The following ZNF727 variants were observed in gnomAD, a reference collection of about 807,000 sequenced individuals.
ZNF727 encodes the protein putative zinc finger protein 727.
Under a neutral mutation model 11.5 loss-of-function variants are expected in ZNF727, and 11 were observed. The ratio of observed to expected loss-of-function variants is 0.95; its 90% CI spans 0.60 to 1.58. The LOEUF (loss-of-function observed/expected upper bound fraction) is 1.58. ZNF727 is among the 40% of genes most tolerant of loss of function. The pLI, the probability that ZNF727 is intolerant of heterozygous loss-of-function variation, is 0.00. For synonymous variants in ZNF727, 171 were observed against 196.1 expected, an observed-to-expected ratio of 0.87 and a Z score of 1.07; for missense variants, 533 against 581.7, an observed-to-expected ratio of 0.92 and a Z score of 0.86.
chr7:64,060,565 A>T, intron 1 of ZNF727, among the ~76,000 whole-genome samples: 1 of 152,232 alleles, frequency 6.6e-6, no homozygotes, highest in East Asian at 1.9e-4. Flanking sequence ...TCAGACCTGA[A>T]AGTAATTCCA....
chr7:64,063,236 T>C (rs1219462368), intron 1 of ZNF727, among the ~76,000 whole-genome samples: 2 of 152,144 alleles, frequency 1.3e-5, no homozygotes, highest in Non-Finnish European at 2.9e-5. Context: ...ATTCTGGGCT[T>C]TTTAATACCT....
intron 3 of ZNF727, among the ~76,000 whole-genome samples, chr7:64,073,208 C>T (rs1789989481): frequency 2.0e-5 from 3 of 151,680 alleles, no homozygotes; most frequent in Non-Finnish European, 4.4e-5. Flanking sequence ...GACTTTTCCC[C>T]TGCATTCTTC....
intron 1 of ZNF727, among the ~76,000 whole-genome samples, chr7:64,047,021 T>C (rs6460107): frequency 0.64 from 97,235 of 151,848 alleles, 31,863 homozygotes; most frequent in Non-Finnish European, 0.71. Context: ...TAAGAAATTC[T>C]TTCGACGTAG....
Position 64,077,752 on chromosome 7 carries a change from A to G in ZNF727, c.703A>G (p.Lys235Glu). The stretch of plus-strand genomic sequence containing the variant: ...ACCCTACAAATGTGAAGAATGTGGC[A>G]AAACATTTACCTGTTCCTCAGCCCT... ...KKPYKCEECGKTFTCSSALTK... is the reference protein window; with the variant it reads ...KKPYKCEECGETFTCSSALTK... Residue 235 changes from lysine to glutamate, a missense_variant, in exon 4 of 4, where the codon AAA becomes GAA. By Grantham distance (56) the Lys-to-Glu change is moderately conservative. Transcript: ENST00000456806. The G allele has an allele frequency of 6.3e-7, 1 of 1,583,900 alleles. No homozygotes were observed. The highest frequency in any genetic ancestry group is 1.1e-5 in the South Asian group (1 of 87,474).
intron 1 of ZNF727, among the ~76,000 whole-genome samples, chr7:64,066,766 C>T (rs1265324469): frequency 6.6e-6 from 1 of 152,080 alleles, no homozygotes; most frequent in Admixed American, 6.6e-5. Context: ...ACTAAAACAC[C>T]AAAAGCAATA....
intron 1 of ZNF727, among the ~76,000 whole-genome samples, chr7:64,050,032 G>A (rs2116266824): frequency 6.6e-6 from 1 of 151,806 alleles, no homozygotes; most frequent in East Asian, 1.9e-4. Context: ...TATTGGACAA[G>A]TTATAAAAGC....
chr7:64,062,313 A>G (rs1789784324), intron 1 of ZNF727, among the ~76,000 whole-genome samples: 1 of 151,832 alleles, frequency 6.6e-6, no homozygotes, highest in African/African-American at 2.4e-5. Context: ...TTGCTCATTA[A>G]TGTTCTATTC....
chr7:64,051,587 C>T (rs1454670894), intron 1 of ZNF727, among the ~76,000 whole-genome samples: 2 of 151,938 alleles, frequency 1.3e-5, no homozygotes, highest in African/African-American at 4.8e-5. Flanking sequence ...TGTTTTTTGC[C>T]TAAGCTAGAG....
At chr7:64,055,570 TC>T (rs1301156798) in intron 1 of ZNF727, among the ~76,000 whole-genome samples, 1 of 152,236 alleles carries the variant, frequency 6.6e-6, no homozygotes, top group African/African-American at 2.4e-5. Context: ...CATTCTACTT[TC>T]CTTCTCTCTG....
chr7:64,052,378 CTTTTTTTTT>C (rs56215284), intron 1 of ZNF727, among the ~76,000 whole-genome samples: 3 of 130,404 alleles, frequency 2.3e-5, no homozygotes, highest in African/African-American at 8.6e-5. Flanking sequence ...ATTTCTCTCT[CTTTTTTTTT>C]TTTTTTTTTT....
At chr7:64,069,385 C>T (rs892221050) in intron 2 of ZNF727, 129 bp from the exon 3 acceptor site, 44 of 852,796 alleles carry the variant, frequency 5.2e-5, no homozygotes, top group Middle Eastern at 6.9e-4. Flanking sequence ...GTTTCTGTTA[C>T]AAAACAGTAG....
At chr7:64,066,024 A>G (rs1789860707) in intron 1 of ZNF727, among the ~76,000 whole-genome samples, 1 of 152,176 alleles carries the variant, frequency 6.6e-6, no homozygotes, top group African/African-American at 2.4e-5. Context: ...AAATCTGTGC[A>G]AAACTGCTTA....
chr7:64,047,592 A>C (rs1220570863), intron 1 of ZNF727, among the ~76,000 whole-genome samples: 1 of 152,130 alleles, frequency 6.6e-6, no homozygotes. Context: ...TGTCTCTTGG[A>C]GTGTCTAGCA....
chr7:64,059,784 T>G (rs1258482936), intron 1 of ZNF727, among the ~76,000 whole-genome samples: 1 of 152,172 alleles, frequency 6.6e-6, no homozygotes, highest in Non-Finnish European at 1.5e-5. Context: ...TTATCCAACT[T>G]GAAGATAAAA....
intron 1 of ZNF727, among the ~76,000 whole-genome samples, chr7:64,060,929 C>T (rs1789760874): frequency 6.6e-6 from 1 of 151,884 alleles, no homozygotes; most frequent in African/African-American, 2.4e-5. Context: ...TGTATTGGCC[C>T]ACCAGTCATT....
chr7:64,057,496 G>A (rs1238648233), intron 1 of ZNF727, among the ~76,000 whole-genome samples: 4 of 152,080 alleles, frequency 2.6e-5, no homozygotes, highest in East Asian at 1.9e-4. Context: ...CTAATAAGTC[G>A]AAGCTGAATG....
At chr7:64,066,035 T>TA (rs1789860983) in intron 1 of ZNF727, among the ~76,000 whole-genome samples, 1 of 152,164 alleles carries the variant, frequency 6.6e-6, no homozygotes, top group East Asian at 1.9e-4. Context: ...AAACTGCTTA[T>TA]AAAAATGCAC....
chr7:64,075,958 C>G (rs1217651189), intron 3 of ZNF727, among the ~76,000 whole-genome samples: 2 of 152,110 alleles, frequency 1.3e-5, no homozygotes, highest in African/African-American at 4.8e-5. Context: ...GCATGGCTAT[C>G]TAGAATAATT....
At position 64,078,468 on chromosome 7, in the gene ZNF727, T is replaced by A. The variant is rs751118239; in HGVS notation, c.1419T>A (p.Ser473Arg). Residue 473 changes from serine to arginine, a missense_variant, in exon 4 of 4, where the codon AGT (serine) becomes AGA (arginine). Ser to Arg is a moderately radical substitution (Grantham distance 110, BLOSUM62 -1). Around this residue, in one of 3 missense-constraint regions of ZNF727, gnomAD observed 54 missense variants for 48.6 expected, o/e 1.11. Transcript: ENST00000456806. ...CSSSLIKHKRSHTGDRPTSAK... is the reference protein window; with the variant it reads ...CSSSLIKHKRRHTGDRPTSAK... ...CAAGCCTTATTAAACACAAGAGAAG[T>A]CATACTGGAGACAGACCTACAAGTG... is the stretch of plus-strand genomic sequence containing the variant. 4 of 1,569,586 alleles carry A rather than the reference T, an allele frequency of 2.5e-6. No homozygotes were observed. The highest frequency in any genetic ancestry group is 3.5e-6 in the Non-Finnish European group (4 of 1,157,000).
Sources: allele counts gnomAD v4.1 joint callset (sites outside exome capture counted in the v4.1 genomes callset), GRCh38; gene constraint gnomAD v4.1.1; regional missense constraint gnomAD v4.1.1; transcripts MANE v1.5; gene names NCBI Gene and HGNC (gene_info 2026-07-23, HGNC 2026-07-21).